Variants in DOCK3 observed in about 807,000 individuals in gnomAD.
DOCK3 encodes the protein dedicator of cytokinesis protein 3.
Under a neutral mutation model 265.6 loss-of-function variants are expected in DOCK3, and 60 were observed. The ratio of observed to expected loss-of-function variants is 0.23; its 90% confidence interval spans 0.18 to 0.28. The LOEUF (loss-of-function observed/expected upper bound fraction) is 0.28, where lower values mean the gene tolerates loss of function less well. DOCK3 is among the 10% of genes least tolerant of loss of function. The probability of loss-of-function intolerance (pLI) is 1.00; values close to 1 mark genes in which losing one functional copy is unlikely to be tolerated. For missense variants in DOCK3, 1,981 were observed against 2,594.3 expected, an observed-to-expected ratio of 0.76 and a Z score of 5.14; for synonymous variants, 881 against 938.0, an observed-to-expected ratio of 0.94 and a Z score of 1.11.
chr3:50,832,981 A>G (rs1234360410), intron 2 of DOCK3, among the ~76,000 whole-genome samples: 1 of 152,234 alleles, frequency 6.6e-6, no homozygotes, highest in Non-Finnish European at 1.5e-5. Context: ...TACAAGGAGT[A>G]TAACAGCAAT....
intron 1 of DOCK3, among the ~76,000 whole-genome samples, chr3:50,712,393 A>AGT (rs1407435917): frequency 6.6e-6 from 1 of 152,178 alleles, no homozygotes; most frequent in African/African-American, 2.4e-5. Flanking sequence ...GCTGTAGTGC[A>AGT]GTGGCATGAT....
chr3:50,879,615 C>T (rs980550583), intron 3 of DOCK3, among the ~76,000 whole-genome samples: 7 of 152,174 alleles, frequency 4.6e-5, no homozygotes, highest in African/African-American at 1.7e-4. Context: ...TACAGGAGCA[C>T]CCAGATTCAT....
At chr3:51,379,728 T>G (rs926580031) in intron 51 of DOCK3, among the ~76,000 whole-genome samples, 77 of 152,336 alleles carry the variant, frequency 5.1e-4, no homozygotes, top group African/African-American at 1.8e-3. Context: ...CCTGCTGGGC[T>G]TTGGGGTCAG....
chr3:50,737,283 A>G (rs545161020), intron 1 of DOCK3, among the ~76,000 whole-genome samples: 15 of 152,312 alleles, frequency 9.8e-5, no homozygotes, highest in African/African-American at 2.9e-4. Context: ...GCCCATGCCT[A>G]TGAGCAGGAG....
At chr3:51,186,641 G>T (rs74713178) in intron 12 of DOCK3, among the ~76,000 whole-genome samples, 3,705 of 152,234 alleles carry the variant, frequency 0.024, 177 homozygotes, top group African/African-American at 0.085. Context: ...AAGTGGTTTC[G>T]TGGGCCAGGT....
chr3:51,255,863 A>G (rs1262009882), intron 22 of DOCK3, among the ~76,000 whole-genome samples: 1 of 151,724 alleles, frequency 6.6e-6, no homozygotes, highest in Non-Finnish European at 1.5e-5. Flanking sequence ...AGCCTTCTTC[A>G]CTCAACTCGT....
intron 4 of DOCK3, among the ~76,000 whole-genome samples, chr3:50,894,433 A>C (rs1335319699): frequency 6.6e-6 from 1 of 152,116 alleles, no homozygotes; most frequent in Non-Finnish European, 1.5e-5. Context: ...GAGGGAGTTC[A>C]TCACCAGTAG....
At chr3:51,032,050 C>T (rs1293279824) in intron 5 of DOCK3, among the ~76,000 whole-genome samples, 1 of 152,054 alleles carries the variant, frequency 6.6e-6, no homozygotes, top group Non-Finnish European at 1.5e-5. Flanking sequence ...TTAAATGAAA[C>T]TAAGACACCA....
rs528611831 is a variant in DOCK3 at position 51,294,017 on chromosome 3, T to A, written c.2922+13813T>A. On this transcript the variant is annotated intron_variant, in intron 27 of 52. Coordinates refer to ENST00000266037, the MANE Select transcript of DOCK3 (RefSeq NM_004947.5). ...TTAGTGATATTGTAAATACAGCCAT[T>A]TTGGAAAACAGTATGAAGTTTTCTC... Among the ~76,000 whole-genome samples, 614 of 152,322 alleles carry A rather than the reference T, an allele frequency of 4.0e-3. 4 individuals are homozygous for A. The highest frequency in any genetic ancestry group is 0.014 in the African/African-American group (593 of 41,584).
intron 4 of DOCK3, among the ~76,000 whole-genome samples, chr3:50,903,050 A>G (rs1157246450): frequency 6.6e-6 from 1 of 152,200 alleles, no homozygotes; most frequent in Non-Finnish European, 1.5e-5. Flanking sequence ...GATGTGGCCT[A>G]TCAGCTTAAG....
intron 9 of DOCK3, among the ~76,000 whole-genome samples, chr3:51,139,328 TG>T (rs1661928071): frequency 6.6e-6 from 1 of 152,106 alleles, no homozygotes; most frequent in South Asian, 2.1e-4. Flanking sequence ...AGTGAGCATC[TG>T]GGGGACTGTG....
At chr3:51,176,680 C>G (rs181120459) in intron 12 of DOCK3, among the ~76,000 whole-genome samples, 1 of 152,138 alleles carries the variant, frequency 6.6e-6, no homozygotes, top group Admixed American at 6.5e-5. Context: ...TTAATAAGGT[C>G]TGCTACCTTC....
chr3:50,879,393 G>A (rs2047904221), intron 3 of DOCK3, among the ~76,000 whole-genome samples: 1 of 152,118 alleles, frequency 6.6e-6, no homozygotes, highest in Non-Finnish European at 1.5e-5. Context: ...CATCTCAGGT[G>A]CAGAGACACA....
intron 1 of DOCK3, among the ~76,000 whole-genome samples, chr3:50,768,725 A>G (rs2041073926): frequency 6.6e-6 from 1 of 152,220 alleles, no homozygotes; most frequent in African/African-American, 2.4e-5. Context: ...ATGGGAGTGC[A>G]GATATCTCTG....
intron 5 of DOCK3, among the ~76,000 whole-genome samples, chr3:50,984,939 T>A (rs189838253): frequency 1.3e-5 from 2 of 152,332 alleles, no homozygotes; most frequent in East Asian, 3.9e-4. Flanking sequence ...TGTGTGCAAA[T>A]ACTGTGCCGT....
At chr3:50,811,829 A>G (rs1488666273) in intron 2 of DOCK3, among the ~76,000 whole-genome samples, 1 of 152,238 alleles carries the variant, frequency 6.6e-6, no homozygotes, top group Non-Finnish European at 1.5e-5. Context: ...AAATCACACT[A>G]ATTGGAATAG....
chr3:50,749,828 T>G (rs531268640), intron 1 of DOCK3, among the ~76,000 whole-genome samples: 4 of 152,372 alleles, frequency 2.6e-5, no homozygotes, highest in African/African-American at 4.8e-5. Flanking sequence ...AGTGTTTAAC[T>G]GACAGTATTT....
intron 45 of DOCK3, 43 bp from the exon 46 acceptor site, chr3:51,357,918 C>T (rs2086469170): frequency 6.2e-7 from 1 of 1,612,976 alleles, no homozygotes; most frequent in South Asian, 1.1e-5. Flanking sequence ...TTCTCAGGGG[C>T]TACTCATGGT....
intron 22 of DOCK3, among the ~76,000 whole-genome samples, chr3:51,257,672 G>A (rs936031008): frequency 2.0e-5 from 3 of 152,108 alleles, no homozygotes; most frequent in African/African-American, 7.2e-5. Context: ...TACAAACATG[G>A]TAATAACTTT....
Sources: allele counts gnomAD v4.1 joint callset (sites outside exome capture counted in the v4.1 genomes callset), GRCh38; gene constraint gnomAD v4.1.1; transcripts MANE v1.5; gene names NCBI Gene and HGNC (gene_info 2026-07-23, HGNC 2026-07-21).